Variants in RPRD2 observed in about 807,000 individuals in gnomAD.
RPRD2 encodes regulation of nuclear pre-mRNA domain-containing protein 2.
A neutral mutation model predicts 104.4 loss-of-function variants in RPRD2; 12 were observed. The ratio of observed to expected loss-of-function variants is 0.11; its 90% CI spans 0.07 to 0.19. RPRD2 has a LOEUF of 0.19. Ranked by LOEUF, RPRD2 falls within the 10% of genes least tolerant of loss-of-function variation. The probability of loss-of-function intolerance (pLI) is 1.00; values close to 1 mark genes in which losing one functional copy is unlikely to be tolerated. For synonymous variants in RPRD2, 714 were observed against 684.9 expected (o/e 1.04, Z -0.66); for missense variants, 1,543 against 1,790.1 (o/e 0.86, Z 2.49).
intron 1 of RPRD2, among the ~76,000 whole-genome samples, chr1:150,377,609 A>AC (rs1486636296): frequency 1.3e-5 from 2 of 152,182 alleles, no homozygotes; most frequent in Non-Finnish European, 2.9e-5. Flanking sequence ...AAAAAAAAAA[A>AC]AAAACATTTA....
chr1:150,475,888 T>G lies in RPRD2; in HGVS notation c.*2554T>G, dbSNP rs1437488580. 1 of 142,448 alleles carries G rather than the reference T, an allele frequency of 7.0e-6. No homozygotes were observed. The highest frequency in any genetic ancestry group is 1.5e-5 in the Non-Finnish European group (1 of 64,728). The allele number at this position is 142,448 out of a possible 1,614,324, so 8.8% of individuals were successfully genotyped here. ...AACAAGATATTTTTTAAAGAAAGCA[T>G]AACATAGTGTGTCTTAGCAAGGACA... On this transcript the variant is annotated 3_prime_UTR_variant, in exon 11 of 11. Coordinates refer to ENST00000369068, the MANE Select transcript of RPRD2 (RefSeq NM_015203.5).
At chr1:150,425,200 A>G (rs1665036861) in intron 2 of RPRD2, among the ~76,000 whole-genome samples, 1 of 152,226 alleles carries the variant, frequency 6.6e-6, no homozygotes, top group African/African-American at 2.4e-5. Flanking sequence ...TAGAACAGTA[A>G]CTGACATTTA....
chr1:150,444,170 T>C (rs1666602272), intron 5 of RPRD2, 81 bp from the exon 6 acceptor site: 1 of 1,416,036 alleles, frequency 7.1e-7, no homozygotes, highest in East Asian at 2.3e-5. Context: ...TTGTTTTGTT[T>C]TGTTTTACAA....
rs975814675 is a variant in RPRD2, at chr1:150,472,712, C to G, written c.3764C>G (p.Pro1255Arg). 1.9e-6 allele frequency: 3 copies of G among 1,613,686 alleles called. No homozygotes were observed. The highest frequency in any genetic ancestry group is 2.5e-6 in the Non-Finnish European group (3 of 1,179,710). ...GAGGCAGCCCTGGCCCATGCTGCCC[C>G]ACCCCCTCCTCCTGGAGAGCACAGT... Reference protein sequence around the residue: ...TKEAALAHAAPPPPPGEHSGI... With the variant: ...TKEAALAHAARPPPPGEHSGI... Residue 1255 changes from proline (P) to arginine (R), a missense_variant, in exon 11 of 11, where the codon CCA becomes CGA. By Grantham distance (103) the Pro-to-Arg change is moderately radical. Transcript: ENST00000369068.
intron 1 of RPRD2, among the ~76,000 whole-genome samples, chr1:150,371,792 C>G (rs1660323212): frequency 6.6e-6 from 1 of 152,136 alleles, no homozygotes. Flanking sequence ...TCCTACACAG[C>G]CTTTCTTATT....
chr1:150,411,227 A>G (rs797036406), intron 1 of RPRD2, among the ~76,000 whole-genome samples: 11 of 152,174 alleles, frequency 7.2e-5, no homozygotes, highest in African/African-American at 2.7e-4. Flanking sequence ...TGGGAGGTCC[A>G]AGGCGGGTGG....
chr1:150,384,627 C>T (rs1400592026), intron 1 of RPRD2, among the ~76,000 whole-genome samples: 2 of 147,236 alleles, frequency 1.4e-5, no homozygotes, highest in Non-Finnish European at 3.0e-5. Context: ...CCTGCCACCA[C>T]GCCTGGCTAA....
rs1667844619 is a variant in RPRD2 at position 150,460,379 on chromosome 1, A to G, written c.1411+62A>G. On this transcript the variant is annotated intron_variant, in intron 9 of 10. Coordinates refer to ENST00000369068, the MANE Select transcript of RPRD2 (RefSeq NM_015203.5). ...TCCATCTTTTTAAATTGAATCATTA[A>G]TCTGTTTTTGGGGGGGTTGTTGTTG... 12 of 1,468,818 alleles carry G rather than the reference A, an allele frequency of 8.2e-6. No homozygotes were observed. The East Asian group carries it at 2.9e-4, about 36-fold the overall frequency. 91.0% of individuals were successfully genotyped at this position (1,468,818 alleles called of 1,614,324 possible).
intron 1 of RPRD2, among the ~76,000 whole-genome samples, chr1:150,415,819 A>G (rs1664291941): frequency 6.6e-6 from 1 of 152,226 alleles, no homozygotes; most frequent in Non-Finnish European, 1.5e-5. Context: ...TTACTAGGTA[A>G]ATTGATCTAG....
At chr1:150,452,218 A>G (rs1387318556) in intron 7 of RPRD2, among the ~76,000 whole-genome samples, 1 of 152,000 alleles carries the variant, frequency 6.6e-6, no homozygotes. Flanking sequence ...ATGTGACAGC[A>G]TAGGCAGATA....
At position 150,364,306 on chromosome 1, in the gene RPRD2, C is replaced by G. The variant is rs191728582; in HGVS notation, c.-409C>G. Among the ~76,000 whole-genome samples the G allele has an allele frequency of 2.0e-5, 3 of 152,294 alleles. No individual in the cohort carries two copies. The East Asian group carries it at 5.8e-4, about 29-fold the overall frequency. ...TTTAAGATATTAACGCCCGACCTGGCTCACAGGAGTGTGGGAACAGGGGCG... is the reference window on the plus strand; with the variant it reads ...TTTAAGATATTAACGCCCGACCTGGGTCACAGGAGTGTGGGAACAGGGGCG... On this transcript the variant is annotated 5_prime_UTR_variant, in exon 1 of 11. Transcript: ENST00000369068.
chr1:150,412,893 G>A (rs1054797217), intron 1 of RPRD2, among the ~76,000 whole-genome samples: 2 of 151,964 alleles, frequency 1.3e-5, no homozygotes, highest in African/African-American at 4.8e-5. Flanking sequence ...CTTAATACCT[G>A]GGAGATGTCT....
chr1:150,393,582 A>G (rs587669828), intron 1 of RPRD2, among the ~76,000 whole-genome samples: 10 of 152,186 alleles, frequency 6.6e-5, no homozygotes, highest in African/African-American at 2.4e-4. Flanking sequence ...ATTGATAATT[A>G]TAGATTATTA....
chr1:150,472,550 A>G lies in RPRD2; in HGVS notation c.3602A>G (p.His1201Arg), dbSNP rs746941295. 3.1e-6 allele frequency: 5 copies of G among 1,613,852 alleles called. No individual in the cohort carries two copies. The Admixed American group carries it at 5.0e-5, about 16-fold the overall frequency. The change falls in exon 11 of 11, where the codon CAT becomes CGT. Residue 1201 changes from histidine to arginine, a missense_variant. His to Arg is a conservative substitution (Grantham distance 29). This residue lies in a region of RPRD2 where 880 missense variants were observed against 885.6 expected (regional missense o/e 0.99). Transcript: ENST00000369068. The stretch of plus-strand genomic sequence containing the variant: ...CATCTTCCCCCATCCCCCTTGGAAC[A>G]TGGGACACCCTTCCAGAGAGAGCCA... Reference protein sequence around the residue: ...EHHLPPSPLEHGTPFQREPVG... With the variant: ...EHHLPPSPLERGTPFQREPVG...
At chr1:150,383,176 G>T (rs1203082495) in intron 1 of RPRD2, among the ~76,000 whole-genome samples, 3 of 150,202 alleles carry the variant, frequency 2.0e-5, no homozygotes, top group Admixed American at 6.6e-5. Flanking sequence ...AAAATTTTTT[G>T]TAGAGATGAT....
At chr1:150,388,520 C>CACACACACAT (rs1553882591) in intron 1 of RPRD2, among the ~76,000 whole-genome samples, 17 of 148,270 alleles carry the variant, frequency 1.1e-4, no homozygotes, top group African/African-American at 4.2e-4. Flanking sequence ...CACACACACA[C>CACACACACAT]ACATATATAC....
At position 150,473,236 on chromosome 1, in the gene RPRD2, A is replaced by G. The variant is rs1212262923; in HGVS notation, c.4288A>G (p.Arg1430Gly). 5 of 1,613,840 alleles carry G rather than the reference A, an allele frequency of 3.1e-6. No homozygotes were observed. The highest frequency in any genetic ancestry group is 4.2e-6 in the Non-Finnish European group (5 of 1,179,880). ...TCGGCCTAGGGAACCTTTTCTCAGC[A>G]GAGACCCATTTCACAGTTTAAAGAG... ...DFRPREPFLS[R>G]DPFHSLKRPR... Residue 1430 changes from arginine to glycine, a missense_variant, in exon 11 of 11, where the codon AGA becomes GGA. Arg to Gly is a moderately radical substitution (Grantham distance 125). This residue lies in a region of RPRD2 where 880 missense variants were observed against 885.6 expected (regional missense o/e 0.99). Coordinates refer to ENST00000369068, the MANE Select transcript of RPRD2 (RefSeq NM_015203.5).
chr1:150,366,832 A>G (rs781950220), intron 1 of RPRD2, among the ~76,000 whole-genome samples: 2 of 152,158 alleles, frequency 1.3e-5, no homozygotes, highest in Non-Finnish European at 2.9e-5. Context: ...AGCATTTTAC[A>G]TTTCCTCACC....
intron 1 of RPRD2, among the ~76,000 whole-genome samples, chr1:150,416,855 G>T (rs1460025291): frequency 7.7e-6 from 1 of 129,632 alleles, no homozygotes; most frequent in African/African-American, 2.9e-5. Flanking sequence ...CTGGGCGACA[G>T]AGTGAGACTC....
Sources: gnomAD v4.1 joint callset for allele counts (sites outside exome capture counted in the v4.1 genomes callset) on GRCh38, gnomAD v4.1.1 for gene constraint, gnomAD v4.1.1 regional missense constraint, MANE v1.5 for transcripts, NCBI Gene and HGNC (gene_info 2026-07-23, HGNC 2026-07-21) for gene names.